The following TMEM45A variants were observed in gnomAD, a reference collection of about 807,000 sequenced individuals.
TMEM45A encodes DNA polymerase-transactivated protein 4.
Under a neutral mutation model 32.0 loss-of-function variants are expected in TMEM45A, and 25 were observed. The ratio of observed to expected loss-of-function variants is 0.78; its 90% CI spans 0.57 to 1.09. The LOEUF (loss-of-function observed/expected upper bound fraction) is 1.09, where lower values mean the gene tolerates loss of function less well. Among genes scored for constraint, TMEM45A ranks in the 50% least tolerant of loss-of-function variants. The pLI, the probability that TMEM45A is intolerant of heterozygous loss-of-function variation, is 0.00. For synonymous variants in TMEM45A, 122 were observed against 114.8 expected (o/e 1.06, Z -0.40); for missense variants, 302 against 325.0 (o/e 0.93, Z 0.54).
intron 1 of TMEM45A, among the ~76,000 whole-genome samples, chr3:100,498,382 T>C (rs904738634): frequency 6.6e-6 from 1 of 152,202 alleles, no homozygotes; most frequent in Admixed American, 6.5e-5. Context: ...ATCTAATCAA[T>C]TGAAGGCCTC....
chr3:100,530,811 T>C (rs1576273407), intron 1 of TMEM45A, among the ~76,000 whole-genome samples: 1 of 152,242 alleles, frequency 6.6e-6, no homozygotes, highest in Non-Finnish European at 1.5e-5. Flanking sequence ...TTTTGATCTG[T>C]GGATTTGTTC....
intron 1 of TMEM45A, among the ~76,000 whole-genome samples, chr3:100,509,360 T>C (rs1708122223): frequency 6.6e-6 from 1 of 152,232 alleles, no homozygotes; most frequent in Non-Finnish European, 1.5e-5. Context: ...ATAGCCATTA[T>C]GGAAAACAAT....
At chr3:100,504,972 C>T (rs1293847572) in intron 1 of TMEM45A, among the ~76,000 whole-genome samples, 1 of 152,142 alleles carries the variant, frequency 6.6e-6, no homozygotes, top group Non-Finnish European at 1.5e-5. Context: ...TCTTTGTTTC[C>T]TCCCCCAGAA....
At position 100,557,085 on chromosome 3, in the gene TMEM45A, A is replaced by G. The variant is rs1005742593; in HGVS notation, c.403+113A>G. 9 of 1,150,368 alleles carry G rather than the reference A, an allele frequency of 7.8e-6. No homozygotes were observed. In the African/African-American group the frequency reaches 9.2e-5, roughly 12 times the overall value. 71.3% of individuals were successfully genotyped at this position (1,150,368 alleles called of 1,614,324 possible). On this transcript the variant is annotated intron_variant, in intron 3 of 5. Coordinates refer to ENST00000323523, the MANE Select transcript of TMEM45A (RefSeq NM_018004.3). ...TTGCAGCCTTGATTGATAGGACCAT[A>G]TATCTGGGCCATAATGAAATATTTG...
chr3:100,522,011 T>C (rs1705445486), intron 1 of TMEM45A, among the ~76,000 whole-genome samples: 1 of 152,110 alleles, frequency 6.6e-6, no homozygotes, highest in African/African-American at 2.4e-5. Flanking sequence ...GCTCCAGTTA[T>C]ATACCTGCCC....
At chr3:100,536,025 T>A (rs529783866) in intron 1 of TMEM45A, among the ~76,000 whole-genome samples, 7 of 152,078 alleles carry the variant, frequency 4.6e-5, no homozygotes, top group Non-Finnish European at 7.4e-5. Flanking sequence ...GAGTGAGAAT[T>A]TGCCCCCCAG....
At chr3:100,537,709 A>C (rs1705769875) in intron 1 of TMEM45A, among the ~76,000 whole-genome samples, 1 of 152,268 alleles carries the variant, frequency 6.6e-6, no homozygotes, top group Non-Finnish European at 1.5e-5. Context: ...TTCTCTGTAG[A>C]TTGGCCCAGG....
At chr3:100,554,617 T>G (rs1431284656) in intron 1 of TMEM45A, among the ~76,000 whole-genome samples, 1 of 152,110 alleles carries the variant, frequency 6.6e-6, no homozygotes, top group Non-Finnish European at 1.5e-5. Flanking sequence ...TGATGAACAC[T>G]AATTGTTTCT....
intron 4 of TMEM45A, among the ~76,000 whole-genome samples, chr3:100,563,517 A>T (rs1443688056): frequency 6.6e-6 from 1 of 152,120 alleles, no homozygotes; most frequent in African/African-American, 2.4e-5. Context: ...GGACTGATGG[A>T]TGGGATCTGG....
At chr3:100,538,147 T>C (rs1013971256) in intron 1 of TMEM45A, among the ~76,000 whole-genome samples, 6 of 152,200 alleles carry the variant, frequency 3.9e-5, no homozygotes, top group Admixed American at 3.3e-4. Context: ...TGTCTTCAAA[T>C]AGAAACTAGA....
At chr3:100,571,389 T>C (rs1180536747) in intron 5 of TMEM45A, 1 of 152,124 alleles carries the variant, frequency 6.6e-6, no homozygotes, top group African/African-American at 2.4e-5. Flanking sequence ...CAAGTATTGT[T>C]TACTGCACAT....
chr3:100,539,796 A>G (rs66828943), intron 1 of TMEM45A, among the ~76,000 whole-genome samples: 70,649 of 152,002 alleles, frequency 0.46, 16,967 homozygotes, highest in African/African-American at 0.57. Flanking sequence ...TCAAATGCCA[A>G]TCTCTTCTGG....
At chr3:100,533,967 T>C (rs1390147166) in intron 1 of TMEM45A, among the ~76,000 whole-genome samples, 1 of 152,134 alleles carries the variant, frequency 6.6e-6, no homozygotes, top group Non-Finnish European at 1.5e-5. Context: ...CTCAGACTAA[T>C]TGAAGGAGAG....
intron 4 of TMEM45A, among the ~76,000 whole-genome samples, chr3:100,560,920 T>G (rs1020531989): frequency 5.3e-5 from 8 of 152,208 alleles, no homozygotes; most frequent in Non-Finnish European, 1.2e-4. Context: ...CAGATAAATG[T>G]TTTCATATTT....
chr3:100,521,537 C>T (rs1271073678), intron 1 of TMEM45A, among the ~76,000 whole-genome samples: 2 of 152,314 alleles, frequency 1.3e-5, no homozygotes, highest in African/African-American at 4.8e-5. Context: ...ACAGTGTGAG[C>T]CACCACGCCC....
chr3:100,572,043 A>T (rs1706572614), intron 5 of TMEM45A: 1 of 152,252 alleles, frequency 6.6e-6, no homozygotes, highest in South Asian at 2.1e-4. Context: ...TATTGTGAAT[A>T]GTGCCACAGT....
At chr3:100,564,739 C>T (rs1706395224) in intron 4 of TMEM45A, among the ~76,000 whole-genome samples, 1 of 152,166 alleles carries the variant, frequency 6.6e-6, no homozygotes, top group Non-Finnish European at 1.5e-5. Context: ...CTGCCTTGGC[C>T]TCCCAAAGTG....
chr3:100,511,549 G>A (rs1490630962), intron 1 of TMEM45A, among the ~76,000 whole-genome samples: 5 of 152,020 alleles, frequency 3.3e-5, no homozygotes, highest in African/African-American at 1.2e-4. Flanking sequence ...ACGAGACTAG[G>A]AAGAAACTGC....
chr3:100,542,902 G>C (rs1705914175), intron 1 of TMEM45A, among the ~76,000 whole-genome samples: 1 of 151,972 alleles, frequency 6.6e-6, no homozygotes, highest in African/African-American at 2.4e-5. Context: ...AGGGAGGGAG[G>C]GGACAAGAGT....
Sources: gnomAD v4.1 joint callset for allele counts (sites outside exome capture counted in the v4.1 genomes callset) on GRCh38, gnomAD v4.1.1 for gene constraint, MANE v1.5 for transcripts, NCBI Gene and HGNC (gene_info 2026-07-23, HGNC 2026-07-21) for gene names.